The following PCLO variants were observed in gnomAD, a reference collection of about 807,000 sequenced individuals.
PCLO encodes the protein protein piccolo.
Under a neutral mutation model 427.5 loss-of-function variants are expected in PCLO, and 82 were observed. That is an observed-to-expected ratio of 0.19 (90% CI 0.16 to 0.23). The LOEUF (loss-of-function observed/expected upper bound fraction) is 0.23. Ranked by LOEUF, PCLO falls within the 10% of genes least tolerant of loss-of-function variation. The pLI, the probability that PCLO is intolerant of heterozygous loss-of-function variation, is 1.00. For missense variants in PCLO, 6,239 were observed against 6,115.9 expected, an observed-to-expected ratio of 1.02 and a Z score of -0.67; for synonymous variants, 2,357 against 2,155.4, an observed-to-expected ratio of 1.09 and a Z score of -2.59.
chr7:82,767,787 A>T (rs1790562214), intron 22 of PCLO, among the ~76,000 whole-genome samples: 1 of 152,176 alleles, frequency 6.6e-6, no homozygotes, highest in South Asian at 2.1e-4. Context: ...TGATGAGTTG[A>T]TACACTGATA....
chr7:82,866,655 TACACACACACAC>T (rs71096605), intron 10 of PCLO, among the ~76,000 whole-genome samples: 95 of 143,194 alleles, frequency 6.6e-4, no homozygotes, highest in Non-Finnish European at 1.2e-3. Flanking sequence ...TGAAATTTTA[TACACACACACAC>T]ACACACACAC....
At chr7:82,868,306 G>A in intron 10 of PCLO, 1 of 416,020 alleles carries the variant, frequency 2.4e-6, no homozygotes. Flanking sequence ...AATGCTACTG[G>A]AATTAGCTCT....
intron 9 of PCLO, among the ~76,000 whole-genome samples, chr7:82,897,181 C>A (rs925588959): frequency 5.3e-5 from 8 of 151,522 alleles, no homozygotes; most frequent in Admixed American, 3.3e-4. Flanking sequence ...ATTTTATTTA[C>A]AGATGAACAA....
At position 82,916,400 on chromosome 7, in the gene PCLO, A is replaced by C; in HGVS notation, c.11586T>G (p.Thr3862=). 1 of 1,613,714 alleles carries C rather than the reference A, an allele frequency of 6.2e-7. No individual in the cohort carries two copies. The highest frequency in any genetic ancestry group is 8.5e-7 in the Non-Finnish European group (1 of 1,179,756). The stretch of plus-strand genomic sequence containing the variant: ...GTGGTGGTATAAACTGGCTGAATTC[A>C]GTTTGGGGAGCAGTTCTTGGTCGCT... ...GIERPRTAPQ[T]EFSQFIPPQT... is the part of the protein sequence containing the mutation. The change falls in exon 7 of 25, where the codon ACT becomes ACG. Residue 3862 remains threonine, a synonymous_variant. Coordinates refer to ENST00000333891, the MANE Select transcript of PCLO (RefSeq NM_033026.6).
In PCLO at chr7:82,845,396, A is replaced by G; in HGVS notation, c.13921T>C (p.Ser4641Pro). The G allele has an allele frequency of 6.2e-7, 1 of 1,613,286 alleles. No individual in the cohort carries two copies. Among genetic ancestry groups the G allele is most frequent in the East Asian group, 2.2e-5 (1 of 44,776 alleles). The change falls in exon 13 of 25, where the codon TCA becomes CCA. Residue 4641 changes from serine (S) to proline (P), a missense_variant. Coordinates refer to ENST00000333891, the MANE Select transcript of PCLO (RefSeq NM_033026.6). The stretch of plus-strand genomic sequence containing the variant: ...TGAGATCCTTTTTCAACAACTGATG[A>G]CAGAACCAGCGGTGACTGCTGTAGT... ...VSLQQSPLVL[S>P]SVVEKGSHVH...
chr7:82,856,179 C>A (rs1050529976), intron 10 of PCLO, among the ~76,000 whole-genome samples: 7 of 151,950 alleles, frequency 4.6e-5, no homozygotes, highest in African/African-American at 1.4e-4. Context: ...GCAGGAAACA[C>A]CAAATGATGA....
chr7:82,769,244 G>T (rs774471087), intron 22 of PCLO, among the ~76,000 whole-genome samples: 1 of 152,090 alleles, frequency 6.6e-6, no homozygotes, highest in Non-Finnish European at 1.5e-5. Flanking sequence ...AAGAGGAGAT[G>T]GCATAGTAAG....
chr7:82,887,905 T>C (rs1562838335), intron 9 of PCLO, among the ~76,000 whole-genome samples: 1 of 151,974 alleles, frequency 6.6e-6, no homozygotes, highest in African/African-American at 2.4e-5. Context: ...CTGTCTCTAC[T>C]AAAAAGCTAC....
chr7:82,978,857 AACAC>A (rs66871387), intron 3 of PCLO, among the ~76,000 whole-genome samples: 58,486 of 138,194 alleles, frequency 0.42, 11,796 homozygotes, highest in East Asian at 0.51. Flanking sequence ...CACACACACA[AACAC>A]ACACACACAC....
At chr7:82,804,569 C>A (rs759301207) in intron 21 of PCLO, among the ~76,000 whole-genome samples, 1 of 152,084 alleles carries the variant, frequency 6.6e-6, no homozygotes, top group Non-Finnish European at 1.5e-5. Flanking sequence ...GAAAAAGACC[C>A]TTTCACAACC....
Position 82,966,334 on chromosome 7 carries a change from G to A in PCLO, c.3454C>T (p.Pro1152Ser), listed in dbSNP as rs749215553. ...ESSSQKTAVP[P>S]QVKLVKKQEQ... ...TGCTTTTTCACTAATTTTACTTGGG[G>A]AGGCACTGCTGTTTTCTGAGATGAT... The change falls in exon 4 of 25, where the codon CCC becomes TCC. Residue 1152 changes from proline (P) to serine (S), a missense_variant. Physicochemically the swap from Pro to Ser is moderately conservative, Grantham distance 74 (BLOSUM62 -1). Around this residue, in one of 5 missense-constraint regions of PCLO, gnomAD observed 4,677 missense variants for 4,468.4 expected, o/e 1.05. Transcript: ENST00000333891. The A allele has an allele frequency of 6.2e-7, 1 of 1,613,720 alleles. No individual in the cohort carries two copies. Among genetic ancestry groups the A allele is most frequent in the Admixed American group, 1.7e-5 (1 of 59,990 alleles).
At chr7:83,029,852 A>T (rs1012447548) in intron 3 of PCLO, among the ~76,000 whole-genome samples, 1 of 147,486 alleles carries the variant, frequency 6.8e-6, no homozygotes, top group Non-Finnish European at 1.5e-5. Context: ...TCAGTAAACT[A>T]TCGCAAGAAC....
At chr7:82,884,851 A>G (rs1793593307) in intron 9 of PCLO, among the ~76,000 whole-genome samples, 1 of 152,104 alleles carries the variant, frequency 6.6e-6, no homozygotes, top group Non-Finnish European at 1.5e-5. Context: ...CTCTACGATG[A>G]TGGAAATAAA....
At chr7:83,116,804 C>T (rs1452331582) in intron 3 of PCLO, among the ~76,000 whole-genome samples, 1 of 152,140 alleles carries the variant, frequency 6.6e-6, no homozygotes, top group East Asian at 1.9e-4. Context: ...CATGTCAGGC[C>T]TGGTAACCAC....
Position 82,760,943 on chromosome 7 carries a change from CTTTTTTTTT to C in PCLO, c.15143-168_15143-160del, listed in dbSNP as rs767222339. Among the ~76,000 whole-genome samples, 13 of 60,398 alleles carry C rather than the reference CTTTTTTTTT, an allele frequency of 2.2e-4. No individual in the cohort carries two copies. The East Asian group carries it at 7.1e-3, about 33-fold the overall frequency. The allele number at this position is 60,398 out of a possible 152,430, so 39.6% of individuals were successfully genotyped here. ...AACATAAAATGATTAAAAGATATGTCTTTTTTTTTTTTTTTTTTTTTTTTTTTGAGACAG... is the reference window on the plus strand; with the variant it reads ...AACATAAAATGATTAAAAGATATGTCTTTTTTTTTTTTTTTTTTGAGACAG... On this transcript the variant is annotated intron_variant, in intron 23 of 24. Transcript: ENST00000333891.
chr7:82,977,567 C>T (rs887151957), intron 3 of PCLO, among the ~76,000 whole-genome samples: 2 of 151,830 alleles, frequency 1.3e-5, no homozygotes, highest in African/African-American at 2.4e-5. Context: ...TGCCCACCAC[C>T]ACACCCAGCT....
intron 3 of PCLO, among the ~76,000 whole-genome samples, chr7:83,063,928 G>T (rs980212106): frequency 2.6e-5 from 4 of 151,950 alleles, no homozygotes; most frequent in Non-Finnish European, 5.9e-5. Context: ...GTGGATATTT[G>T]ATTATTTTAT....
chr7:82,887,656 T>A (rs1236491295), intron 9 of PCLO, among the ~76,000 whole-genome samples: 1 of 152,196 alleles, frequency 6.6e-6, no homozygotes, highest in Admixed American at 6.5e-5. Flanking sequence ...GAACTCACCC[T>A]GAGAATAAAA....
At chr7:82,998,453 G>C (rs1348091306) in intron 3 of PCLO, among the ~76,000 whole-genome samples, 2 of 151,302 alleles carry the variant, frequency 1.3e-5, no homozygotes, top group African/African-American at 4.9e-5. Flanking sequence ...TCCAGTGCTT[G>C]AACTGCTGGG....
Sources: allele counts gnomAD v4.1 joint callset (sites outside exome capture counted in the v4.1 genomes callset), GRCh38; gene constraint gnomAD v4.1.1; regional missense constraint gnomAD v4.1.1; transcripts MANE v1.5; gene names NCBI Gene and HGNC (gene_info 2026-07-23, HGNC 2026-07-21).